The following PIK3CD variants were observed in gnomAD, a reference collection of about 807,000 sequenced individuals.
The protein encoded by PIK3CD is phosphatidylinositol-4,5-bisphosphate 3-kinase catalytic subunit delta, also known as phosphatidylinositol 4,5-bisphosphate 3-kinase catalytic subunit delta isoform.
Under a neutral mutation model 122.9 loss-of-function variants are expected in PIK3CD, and 20 were observed. The ratio of observed to expected loss-of-function variants is 0.16; its 90% CI spans 0.11 to 0.24. PIK3CD has a LOEUF of 0.24. Ranked by LOEUF, PIK3CD falls within the 10% of genes least tolerant of loss-of-function variation. The probability of loss-of-function intolerance (pLI) is 1.00; values close to 1 mark genes in which losing one functional copy is unlikely to be tolerated. For missense variants in PIK3CD, 787 were observed against 1,406.3 expected (o/e 0.56, Z 7.04); for synonymous variants, 596 against 593.4 (o/e 1.00, Z -0.06).
At position 9,729,092 on chromosome 1, in the gene PIK3CD, C is replaced by T. The variant is rs14271; in HGVS notation, c.*2046C>T. On this transcript the variant is annotated 3_prime_UTR_variant, in exon 24 of 24. Coordinates refer to ENST00000377346, the MANE Select transcript of PIK3CD (RefSeq NM_005026.5). ...GACCTATCATGAGTATACACATCTG[C>T]GAAGGGAAACCGCGCGGCGACAGCG... The T allele has an allele frequency of 0.021, 3,232 of 152,250 alleles. 132 individuals carry two copies. The highest frequency in any genetic ancestry group is 0.069 in the African/African-American group (2,860 of 41,518). The allele number at this position is 152,250 out of a possible 1,614,324, so 9.4% of individuals were successfully genotyped here. A position where few individuals can be genotyped will look rare whatever the true frequency, so the allele number is the denominator to read the frequency against.
intron 5 of PIK3CD, 130 bp from the exon 6 acceptor site, chr1:9,716,310 C>A: frequency 2.1e-6 from 2 of 951,542 alleles, no homozygotes; most frequent in Non-Finnish European, 3.3e-6. Context: ...ATTCTTTGAA[C>A]AAATATTTCC....
In PIK3CD at chr1:9,672,986, A is replaced by G. The variant is rs890250054; in HGVS notation, c.-137-18481A>G. On this transcript the variant is annotated intron_variant, in intron 1 of 23. Coordinates refer to ENST00000377346, the MANE Select transcript of PIK3CD (RefSeq NM_005026.5). ...TTTCACTTAAAATATGTCAGTGTAC[A>G]TTGGTTCCCTGATCTGCTCTCAGAT... 5.9e-5 allele frequency among the ~76,000 whole-genome samples: 9 copies of G among 151,930 alleles called. No individual in the cohort carries two copies. The South Asian group carries it at 6.2e-4, about 10-fold the overall frequency.
chr1:9,638,639 G>A, the PIK3CD span, among the ~76,000 whole-genome samples: 2 of 149,904 alleles, frequency 1.3e-5, no homozygotes, highest in East Asian at 4.1e-4. Flanking sequence ...GGCTGAGGCA[G>A]GAGAATGGCC....
Position 9,720,147 on chromosome 1 carries a change from G to A in PIK3CD, c.1375G>A (p.Val459Met), listed in dbSNP as rs781504902. The A allele has an allele frequency of 1.2e-6, 2 of 1,613,220 alleles. No homozygotes were observed. The highest frequency in any genetic ancestry group is 1.1e-5 in the South Asian group (1 of 91,086). The change falls in exon 11 of 24, where the codon GTG becomes ATG. Residue 459 changes from valine to methionine, a missense_variant. Transcript: ENST00000377346. The surrounding 1 kb of genome is among the most constrained non-coding windows in gnomAD (Gnocchi z 9.0). ...CGAGCTGCTGAACCCCACGGGCACT[G>A]TGCGCAGTAACCCCAACACGGATAG... ...KGELLNPTGT[V>M]RSNPNTDSAA...
At chr1:9,631,827 G>A in the PIK3CD span, among the ~76,000 whole-genome samples, 19 of 151,974 alleles carry the variant, frequency 1.3e-4, no homozygotes, top group African/African-American at 3.4e-4. Context: ...GCTTTACCTC[G>A]TCCTGCCACA....
At chr1:9,645,029 T>TC in the PIK3CD span, among the ~76,000 whole-genome samples, 201 of 144,196 alleles carry the variant, frequency 1.4e-3, 1 homozygote, top group African/African-American at 4.0e-3. Flanking sequence ...TCTTTTCTTT[T>TC]TTTTTTTTTT....
At chr1:9,707,561 T>A (rs1218017891) in intron 2 of PIK3CD, among the ~76,000 whole-genome samples, 2 of 152,026 alleles carry the variant, frequency 1.3e-5, no homozygotes, top group African/African-American at 4.8e-5. Context: ...CCCCTCTGTG[T>A]GTCCATGTGT....
chr1:9,725,564 TAAA>T lies in PIK3CD; in HGVS notation c.2997+631_2997+633del, dbSNP rs557480127. 1.8e-3 allele frequency among the ~76,000 whole-genome samples: 261 copies of T among 144,196 alleles called. 2 individuals carry two copies. The highest frequency in any genetic ancestry group is 6.3e-3 in the African/African-American group (244 of 38,730). The allele number at this position is 144,196 out of a possible 152,430, so 94.6% of individuals were successfully genotyped here. Reference sequence around the variant, plus strand: ...GAGCAAAACTCGGTCTCAAAAAAAATAAAAATAAATAATAAAAAAAGATATTTT... The same window carrying T: ...GAGCAAAACTCGGTCTCAAAAAAAATAATAAATAATAAAAAAAGATATTTT... On this transcript the variant is annotated intron_variant, in intron 23 of 23. Transcript: ENST00000377346.
chr1:9,721,600 G>C lies in PIK3CD; in HGVS notation c.1955+13G>C, dbSNP rs914584237. On this transcript the variant is annotated intron_variant, in intron 15 of 23. Transcript: ENST00000377346. Reference sequence around the variant, plus strand: ...TCTGGCACCTCCGGTAGCGGGACTTGCCCCAGCCGTTCTGTGGGAATCCCA... The same window carrying C: ...TCTGGCACCTCCGGTAGCGGGACTTCCCCCAGCCGTTCTGTGGGAATCCCA... The C allele has an allele frequency of 1.9e-6, 3 of 1,612,198 alleles. No individual in the cohort carries two copies. In the African/African-American group the frequency reaches 4.0e-5, roughly 22 times the overall value.
Position 9,701,238 on chromosome 1 carries a change from C to T in PIK3CD, c.-32-9186C>T, listed in dbSNP as rs369066772. ...CCGTGCCCACCACCCCCTGCTCCAGCTGTAGTGGCCCGTTCTAGAAGACTT... is the reference window on the plus strand; with the variant it reads ...CCGTGCCCACCACCCCCTGCTCCAGTTGTAGTGGCCCGTTCTAGAAGACTT... On this transcript the variant is annotated intron_variant, in intron 2 of 23. Transcript: ENST00000377346. Among the ~76,000 whole-genome samples, 22 of 152,234 alleles carry T rather than the reference C, an allele frequency of 1.4e-4. No homozygotes were observed. In the East Asian group the frequency reaches 1.9e-3, roughly 13 times the overall value.
At chr1:9,660,558 C>A (rs977348662) in intron 1 of PIK3CD, among the ~76,000 whole-genome samples, 1 of 152,124 alleles carries the variant, frequency 6.6e-6, no homozygotes, top group Non-Finnish European at 1.5e-5. Flanking sequence ...AGTCATTATA[C>A]CAGTCTTAGC....
rs1647359681 is a variant in PIK3CD at position 9,716,004 on chromosome 1, C to G, written c.526C>G (p.Gln176Glu). The G allele has an allele frequency of 1.2e-6, 2 of 1,612,654 alleles. No individual in the cohort carries two copies. Among genetic ancestry groups the G allele is most frequent in the Non-Finnish European group, 1.7e-6 (2 of 1,179,938 alleles). Reference sequence around the variant, plus strand: ...CCCCCTGCAGCTGGAGCCCTCGGCTCAAACCTGGGGGCCTGGTACCCTGCG... The same window carrying G: ...CCCCCTGCAGCTGGAGCCCTCGGCTGAAACCTGGGGGCCTGGTACCCTGCG... ...SFPLQLEPSA[Q>E]TWGPGTLRLP... is the part of the protein sequence containing the mutation. The change falls in exon 5 of 24, where the codon CAA becomes GAA. Residue 176 changes from glutamine to glutamate, a missense_variant. This residue lies in a region of PIK3CD where 592 missense variants were observed against 920.6 expected (regional missense o/e 0.64). Coordinates refer to ENST00000377346, the MANE Select transcript of PIK3CD (RefSeq NM_005026.5).
chr1:9,717,081 C>T lies in PIK3CD; in HGVS notation c.903C>T (p.Ala301=), dbSNP rs1647607184. The change falls in exon 7 of 24, where the codon GCC becomes GCT. Residue 301 remains alanine, a synonymous_variant. Coordinates refer to ENST00000377346, the MANE Select transcript of PIK3CD (RefSeq NM_005026.5). The surrounding 1 kb of genome is among the most constrained non-coding windows in gnomAD (Gnocchi z 5.4). The part of the protein sequence containing the change: ...NPAPQVQKPR[A]KPPPIPAKKP... ...CCCCCCAGGTCCAGAAACCGCGTGC[C>T]AAACCACCTCCCATTCCTGCGAAGA... 2 of 1,613,988 alleles carry T rather than the reference C, an allele frequency of 1.2e-6. No homozygotes were observed. The highest frequency in any genetic ancestry group is 1.7e-6 in the Non-Finnish European group (2 of 1,180,044).
chr1:9,634,765 A>G, the PIK3CD span, among the ~76,000 whole-genome samples: 1 of 152,236 alleles, frequency 6.6e-6, no homozygotes, highest in Non-Finnish European at 1.5e-5. Context: ...TTTCTTTGAA[A>G]GTAACTTGAA....
intron 1 of PIK3CD, among the ~76,000 whole-genome samples, chr1:9,666,530 C>A (rs890158975): frequency 9.3e-5 from 14 of 150,404 alleles, no homozygotes; most frequent in Admixed American, 2.7e-4. Context: ...CCATGCCTGG[C>A]CGTATTCAAA....
rs564965205 is a variant in PIK3CD at position 9,689,579 on chromosome 1, G to A, written c.-137-1888G>A. 6.7e-6 allele frequency among the ~76,000 whole-genome samples: 1 copy of A among 149,488 alleles called. No homozygotes were observed. Among genetic ancestry groups the A allele is most frequent in the Non-Finnish European group, 1.5e-5 (1 of 67,078 alleles). On this transcript the variant is annotated intron_variant, in intron 1 of 23. Coordinates refer to ENST00000377346, the MANE Select transcript of PIK3CD (RefSeq NM_005026.5). This position sits in a 1 kb window ranked among gnomAD's most constrained non-coding sequence, Gnocchi z 6.1. ...AGCCCCGCTTGCCTGCACCTCGCGCGGCGGGCCTGCCCTCCGGCCCCCGCC... is the reference window on the plus strand; with the variant it reads ...AGCCCCGCTTGCCTGCACCTCGCGCAGCGGGCCTGCCCTCCGGCCCCCGCC...
In PIK3CD at chr1:9,719,881, C is replaced by A. The variant is rs202224186; in HGVS notation, c.1243-40C>A. The A allele has an allele frequency of 1.3e-6, 2 of 1,536,138 alleles. No homozygotes were observed. The highest frequency in any genetic ancestry group is 2.7e-5 in the African/African-American group (2 of 73,454). On this transcript the variant is annotated intron_variant, in intron 9 of 23. Coordinates refer to ENST00000377346, the MANE Select transcript of PIK3CD (RefSeq NM_005026.5). The surrounding 1 kb of genome is among the most constrained non-coding windows in gnomAD (Gnocchi z 5.5). ...AGGGCAGGGAAGCTGGGTCTGGAGG[C>A]CCCTGAGTGGCTGTCCTCACCTGCC... is the stretch of plus-strand genomic sequence containing the variant.
At chr1:9,726,798 A>C (rs1649713691) in intron 23 of PIK3CD, 111 bp from the exon 24 acceptor site, 4 of 1,336,866 alleles carry the variant, frequency 3.0e-6, no homozygotes, top group Admixed American at 3.9e-5. Context: ...AGATGCTGGG[A>C]GCTCTCTACT....
At chr1:9,674,809 A>G (rs1326513093) in intron 1 of PIK3CD, among the ~76,000 whole-genome samples, 1 of 151,894 alleles carries the variant, frequency 6.6e-6, no homozygotes, top group African/African-American at 2.4e-5. Context: ...AGGTGGGCAG[A>G]TTGCTTGAAC....
Sources: gnomAD v4.1 joint callset for allele counts (sites outside exome capture counted in the v4.1 genomes callset) on GRCh38, gnomAD v4.1.1 for gene constraint, gnomAD v4.1.1 regional missense constraint, Gnocchi (gnomAD v3.1) non-coding constraint, MANE v1.5 for transcripts, NCBI Gene and HGNC (gene_info 2026-07-23, HGNC 2026-07-21) for gene names.